MRC1: variants seen among roughly 807,000 people sequenced by gnomAD.
The protein encoded by MRC1 is mannose receptor C-type 1.
In MRC1, 62 loss-of-function variants were observed where a neutral mutation model predicts 102.9. The ratio of observed to expected loss-of-function variants is 0.60; its 90% CI spans 0.49 to 0.74. The LOEUF (loss-of-function observed/expected upper bound fraction) is 0.74. Among genes scored for constraint, MRC1 ranks in the 30% least tolerant of loss-of-function variants. The pLI is 0.00. For missense variants in MRC1, 1,237 were observed against 862.8 expected (o/e 1.43, Z -5.43); for synonymous variants, 457 against 298.4 (o/e 1.53, Z -5.48).
intron 4 of MRC1, among the ~76,000 whole-genome samples, chr10:17,835,562 GAA>G (rs1208306127): frequency 1.3e-5 from 2 of 151,894 alleles, no homozygotes; most frequent in African/African-American, 4.8e-5. Context: ...GGAAATAGCT[GAA>G]AACGGGGAAT....
At chr10:17,825,197 G>A (rs1425740115) in intron 2 of MRC1, among the ~76,000 whole-genome samples, 1 of 152,266 alleles carries the variant, frequency 6.6e-6, no homozygotes, top group African/African-American at 2.4e-5. Flanking sequence ...GTATTGTAGG[G>A]TCTCTGTATC....
intron 11 of MRC1, among the ~76,000 whole-genome samples, chr10:17,865,823 G>A (rs1833258393): frequency 1.3e-5 from 2 of 152,176 alleles, no homozygotes; most frequent in African/African-American, 2.4e-5. Context: ...TAAAAAAGGT[G>A]TACCTCCCCA....
At chr10:17,899,295 C>T (rs1173473953) in intron 24 of MRC1, among the ~76,000 whole-genome samples, 3 of 152,136 alleles carry the variant, frequency 2.0e-5, no homozygotes, top group Admixed American at 6.5e-5. Context: ...GACATTTTTA[C>T]GTCGCTGTTG....
chr10:17,889,007 A>T (rs1054383263), intron 22 of MRC1, among the ~76,000 whole-genome samples: 3 of 152,206 alleles, frequency 2.0e-5, no homozygotes, highest in African/African-American at 7.2e-5. Flanking sequence ...CCGCTAGATC[A>T]TTACGTAATG....
Position 17,907,647 on chromosome 10 carries a change from A to T in MRC1, c.4027A>T (p.Ser1343Cys). The change falls in exon 28 of 30, where the codon AGT (serine) becomes TGT (cysteine). Residue 1343 changes from serine to cysteine, a missense_variant. Transcript: ENST00000569591. Reference sequence around the variant, plus strand: ...TTTACATGCGTCTTCTGGGTTTTGGAGTAATATTCACTGTTCATCCTACAA... The same window carrying T: ...TTTACATGCGTCTTCTGGGTTTTGGTGTAATATTCACTGTTCATCCTACAA... ...VALHASSGFW[S>C]NIHCSSYKGY... 2 of 780,830 alleles carry T rather than the reference A, an allele frequency of 2.6e-6. No homozygotes were observed. Among genetic ancestry groups the T allele is most frequent in the South Asian group, 2.7e-5 (2 of 74,620 alleles). 48.4% of individuals were successfully genotyped at this position (780,830 alleles called of 1,614,324 possible).
intron 11 of MRC1, among the ~76,000 whole-genome samples, chr10:17,864,975 A>G (rs1321871500): frequency 2.0e-5 from 3 of 152,090 alleles, no homozygotes; most frequent in Admixed American, 6.5e-5. Context: ...GCCTCTCTAT[A>G]TATTTTGATT....
intron 12 of MRC1, among the ~76,000 whole-genome samples, chr10:17,869,808 C>T (rs1833329187): frequency 6.6e-6 from 1 of 152,180 alleles, no homozygotes; most frequent in East Asian, 1.9e-4. Context: ...AACACACTAA[C>T]AAACTGTGCA....
intron 17 of MRC1, among the ~76,000 whole-genome samples, chr10:17,876,082 A>C (rs979933545): frequency 6.6e-6 from 1 of 152,156 alleles, no homozygotes; most frequent in Non-Finnish European, 1.5e-5. Flanking sequence ...TGTGATAAAC[A>C]AAGTGTCTAC....
In MRC1 at chr10:17,830,389, C is replaced by T. The variant is rs913189914; in HGVS notation, c.637+2674C>T. Among the ~76,000 whole-genome samples, 37 of 151,402 alleles carry T rather than the reference C, an allele frequency of 2.4e-4. 1 individual carries two copies. The highest frequency in any genetic ancestry group is 6.6e-4 in the Admixed American group (10 of 15,254). On this transcript the variant is annotated intron_variant, in intron 3 of 29. Coordinates refer to ENST00000569591, the MANE Select transcript of MRC1 (RefSeq NM_002438.4). ...TCAAATGATCCACCCACCTCGGCCTCCCAAAGTGTTGGGATTACAGGTGTG... is the reference window on the plus strand; with the variant it reads ...TCAAATGATCCACCCACCTCGGCCTTCCAAAGTGTTGGGATTACAGGTGTG...
intron 23 of MRC1, among the ~76,000 whole-genome samples, chr10:17,895,112 G>T (rs1328345338): frequency 6.6e-6 from 1 of 152,124 alleles, no homozygotes; most frequent in Non-Finnish European, 1.5e-5. Context: ...CTACCTGGGA[G>T]ACTGAGGTGA....
chr10:17,910,071 G>GT (rs1833948467), intron 29 of MRC1, 144 bp from the exon 30 acceptor site: 1 of 724,918 alleles, frequency 1.4e-6, no homozygotes, highest in African/African-American at 1.8e-5. Flanking sequence ...AGGGACTCTT[G>GT]TTTTCACATC....
At chr10:17,894,684 C>T (rs1833730527) in intron 23 of MRC1, among the ~76,000 whole-genome samples, 2 of 151,980 alleles carry the variant, frequency 1.3e-5, no homozygotes, top group African/African-American at 4.8e-5. Context: ...CAGGAGTAAG[C>T]CACTGTGCCT....
intron 1 of MRC1, among the ~76,000 whole-genome samples, chr10:17,812,137 C>T (rs1206952377): frequency 6.6e-6 from 1 of 152,226 alleles, no homozygotes; most frequent in Non-Finnish European, 1.5e-5. Flanking sequence ...CCATAAGTCT[C>T]TGTGGGCTGC....
Position 17,875,093 on chromosome 10 carries a change from C to T in MRC1, c.2390C>T (p.Pro797Leu), listed in dbSNP as rs1833411432. Residue 797 changes from proline to leucine, a missense_variant, in exon 17 of 30, where the codon CCA (proline) becomes CTA (leucine). Pro to Leu is a moderately conservative substitution (Grantham distance 98). Transcript: ENST00000569591. Reference sequence around the variant, plus strand: ...CCTTTTCTCATTAACTTTTCAGATCCACCAGTTACTGAAGATGGGTGGGTT... The same window carrying T: ...CCTTTTCTCATTAACTTTTCAGATCTACCAGTTACTGAAGATGGGTGGGTT... ...PEPTPAPQDN[P>L]PVTEDGWVIY... 1.3e-6 allele frequency: 1 copy of T among 780,750 alleles called. No homozygotes were observed. Among genetic ancestry groups the T allele is most frequent in the Non-Finnish European group, 2.4e-6 (1 of 417,920 alleles). The allele number at this position is 780,750 out of a possible 1,614,324, so 48.4% of individuals were successfully genotyped here. A position where few individuals can be genotyped will look rare whatever the true frequency, so the allele number is the denominator to read the frequency against.
chr10:17,885,511 C>A, intron 22 of MRC1, 76 bp downstream of exon 22: 8 of 754,802 alleles, frequency 1.1e-5, no homozygotes, highest in South Asian at 1.0e-4. Context: ...ATTACTGTTC[C>A]ATGAAAGAAT....
intron 23 of MRC1, among the ~76,000 whole-genome samples, chr10:17,896,004 G>T (rs998883583): frequency 1.3e-5 from 2 of 152,330 alleles, no homozygotes; most frequent in South Asian, 2.1e-4. Flanking sequence ...CACAGCAGTG[G>T]TGGGTGTGCC....
At chr10:17,847,606 A>T (rs692720) in intron 6 of MRC1, among the ~76,000 whole-genome samples, 118,115 of 151,894 alleles carry the variant, frequency 0.78, 46,168 homozygotes, top group South Asian at 0.87. Flanking sequence ...TTATTGTAAC[A>T]CTAACCCGTT....
At chr10:17,908,951 A>T (rs1475590747) in intron 28 of MRC1, among the ~76,000 whole-genome samples, 2 of 152,180 alleles carry the variant, frequency 1.3e-5, no homozygotes, top group Non-Finnish European at 2.9e-5. Flanking sequence ...CTAGCCTTGA[A>T]TGTTTTACTT....
At chr10:17,877,214 C>T (rs1833448786) in intron 17 of MRC1, among the ~76,000 whole-genome samples, 1 of 148,060 alleles carries the variant, frequency 6.8e-6, no homozygotes, top group Non-Finnish European at 1.5e-5. Context: ...CAGATATATC[C>T]TCCTGGCTCA....
Sources: allele counts gnomAD v4.1 joint callset (sites outside exome capture counted in the v4.1 genomes callset), GRCh38; gene constraint gnomAD v4.1.1; transcripts MANE v1.5; gene names NCBI Gene and HGNC (gene_info 2026-07-23, HGNC 2026-07-21).